The following COL6A6 variants were observed in gnomAD, a reference collection of about 807,000 sequenced individuals.
COL6A6 encodes the protein collagen type VI alpha 6 chain, also known as collagen alpha-6(VI) chain.
Under a neutral mutation model 208.6 loss-of-function variants are expected in COL6A6, and 183 were observed. The ratio of observed to expected loss-of-function variants is 0.88; its 90% CI spans 0.78 to 0.99. The LOEUF is 0.99. COL6A6 is among the 50% of genes least tolerant of loss of function. The probability of loss-of-function intolerance (pLI) is 0.00; values close to 1 mark genes in which losing one functional copy is unlikely to be tolerated. For synonymous variants in COL6A6, 973 were observed against 1,011.8 expected, an observed-to-expected ratio of 0.96 and a Z score of 0.73; for missense variants, 2,816 against 2,815.2, an observed-to-expected ratio of 1.00 and a Z score of -0.01.
chr3:130,654,180 CA>C (rs1283905697), intron 33 of COL6A6, among the ~76,000 whole-genome samples: 1 of 152,200 alleles, frequency 6.6e-6, no homozygotes, highest in East Asian at 1.9e-4. Flanking sequence ...TTGGGGAGAG[CA>C]AAACTTAAAT....
At position 130,593,185 on chromosome 3, in the gene COL6A6, T is replaced by C. The variant is rs2063762932; in HGVS notation, c.4417-14T>C. 1 of 1,612,814 alleles carries C rather than the reference T, an allele frequency of 6.2e-7. No individual in the cohort carries two copies. Among genetic ancestry groups the C allele is most frequent in the African/African-American group, 1.3e-5 (1 of 74,904 alleles). ...CGAGAATTCTATTAATAGCTTTCCC[T>C]TCTTGTTTTTTAGGGTGATAATGGT... On this transcript the variant is annotated splice_polypyrimidine_tract_variant and intron_variant, in intron 16 of 36. Transcript: ENST00000358511.
rs2063430997 is a variant in COL6A6, at chr3:130,581,850, C to A, written c.3837C>A (p.Asn1279Lys). The stretch of plus-strand genomic sequence containing the variant: ...AAGGACCATCTCTTCTCAATGCAAA[C>A]CTCTTGGATTCTCTATGGGATACAT... The part of the protein sequence containing the change: ...TVKGPSLLNA[N>K]LLDSLWDTFQ... Residue 1279 changes from asparagine (N) to lysine (K), a missense_variant, in exon 9 of 37, where the codon AAC becomes AAA. By Grantham distance (94) the Asn-to-Lys change is moderately conservative. Coordinates refer to ENST00000358511, the MANE Select transcript of COL6A6 (RefSeq NM_001102608.3). 6.2e-7 allele frequency: 1 copy of A among 1,612,874 alleles called. No individual in the cohort carries two copies. Among genetic ancestry groups the A allele is most frequent in the Non-Finnish European group, 8.5e-7 (1 of 1,179,040 alleles).
intron 8 of COL6A6, among the ~76,000 whole-genome samples, chr3:130,576,665 C>A (rs1246321427): frequency 2.0e-5 from 3 of 150,546 alleles, no homozygotes; most frequent in African/African-American, 2.4e-5. Context: ...GTCATGAATG[C>A]AAAAAAAAAT....
At position 130,574,113 on chromosome 3, in the gene COL6A6, C is replaced by T. The variant is rs539153024; in HGVS notation, c.3135C>T (p.Ser1045=). The change falls in exon 8 of 37, where the codon AGC becomes AGT. Residue 1045 remains serine, a synonymous_variant. Transcript: ENST00000358511. ...TGCGAATAGGAGCGGCCCAGTTTAG[C>T]GATACCTATCACCCGGAGTTTCCAC... ...NRVRIGAAQF[S]DTYHPEFPLG... is the part of the protein sequence containing the mutation. 86 of 1,613,900 alleles carry T rather than the reference C, an allele frequency of 5.3e-5. 1 individual carries two copies. Among genetic ancestry groups the T allele is most frequent in the African/African-American group, 4.7e-4 (35 of 75,000 alleles).
At chr3:130,599,637 G>C in intron 19 of COL6A6, 120 bp from the exon 20 acceptor site, 1 of 915,324 alleles carries the variant, frequency 1.1e-6, no homozygotes, top group South Asian at 1.5e-5. Flanking sequence ...CCAAAGGAAA[G>C]GTAACTCTCT....
rs752775914 is a variant in COL6A6 at position 130,649,075 on chromosome 3, C to T, written c.5246C>T (p.Pro1749Leu). ...RDRSPGRHGKPECPVHPTELV... is the reference protein window; with the variant it reads ...RDRSPGRHGKLECPVHPTELV... Reference sequence around the variant, plus strand: ...AAGGGATATGGTCTTTTAGGAAAACCGGAATGCCCAGTGCACCCAACCGAG... The same window carrying T: ...AAGGGATATGGTCTTTTAGGAAAACTGGAATGCCCAGTGCACCCAACCGAG... Residue 1749 changes from proline (P) to leucine (L), a missense_variant, in exon 33 of 37, where the codon CCG becomes CTG. Pro to Leu is a moderately conservative substitution (Grantham distance 98). Transcript: ENST00000358511. 12 of 1,554,140 alleles carry T rather than the reference C, an allele frequency of 7.7e-6. No homozygotes were observed. Among genetic ancestry groups the T allele is most frequent in the Middle Eastern group, 1.7e-4 (1 of 5,974 alleles).
intron 8 of COL6A6, among the ~76,000 whole-genome samples, chr3:130,578,046 T>A (rs2063335868): frequency 6.6e-6 from 1 of 152,196 alleles, no homozygotes; most frequent in Non-Finnish European, 1.5e-5. Flanking sequence ...ATTTTCTTGG[T>A]TTTTCTTTGA....
chr3:130,568,274 C>G lies in COL6A6; in HGVS notation c.2071C>G (p.Gln691Glu). 1 of 1,613,956 alleles carries G rather than the reference C, an allele frequency of 6.2e-7. No homozygotes were observed. The highest frequency in any genetic ancestry group is 8.5e-7 in the Non-Finnish European group (1 of 1,179,888). Residue 691 changes from glutamine (Q) to glutamate (E), a missense_variant, in exon 6 of 37, where the codon CAA (glutamine) becomes GAA (glutamate). Physicochemically the swap from Gln to Glu is conservative, Grantham distance 29 (BLOSUM62 2). Transcript: ENST00000358511. ...AAGCGACATTTCAAATGCAATAGAC[C>G]AAATGGCTCACATTGGACAAACCAC... ...SQSDISNAIDQMAHIGQTTLT... is the reference protein window; with the variant it reads ...SQSDISNAIDEMAHIGQTTLT...
At chr3:130,579,344 A>T (rs1178145706) in intron 8 of COL6A6, among the ~76,000 whole-genome samples, 1 of 152,070 alleles carries the variant, frequency 6.6e-6, no homozygotes, top group Non-Finnish European at 1.5e-5. Context: ...GAAATATATA[A>T]CCCCCTTATT....
chr3:130,676,186 C>T lies in COL6A6; in HGVS notation c.*789C>T, dbSNP rs1392498021. Reference sequence around the variant, plus strand: ...TTAGACAAGGAGAGTCAAGAAACTACTTGTCATAGATGAAGCTCTGAGTTA... The same window carrying T: ...TTAGACAAGGAGAGTCAAGAAACTATTTGTCATAGATGAAGCTCTGAGTTA... On this transcript the variant is annotated 3_prime_UTR_variant, in exon 37 of 37. Transcript: ENST00000358511. 2 of 152,328 alleles carry T rather than the reference C, an allele frequency of 1.3e-5. No homozygotes were observed. The highest frequency in any genetic ancestry group is 3.9e-4 in the East Asian group (2 of 5,186). 9.4% of individuals were successfully genotyped at this position (152,328 alleles called of 1,614,324 possible).
intron 18 of COL6A6, among the ~76,000 whole-genome samples, chr3:130,596,596 AT>A (rs1325112815): frequency 6.6e-6 from 1 of 152,208 alleles, no homozygotes; most frequent in Non-Finnish European, 1.5e-5. Context: ...AATGATGCTA[AT>A]TTTTGAAACC....
chr3:130,544,217 A>G (rs59723402), intron 1 of COL6A6, among the ~76,000 whole-genome samples: 7,189 of 152,212 alleles, frequency 0.047, 551 homozygotes, highest in African/African-American at 0.16. Context: ...TCAACTTTTT[A>G]AAAAATAGAT....
At position 130,621,804 on chromosome 3, in the gene COL6A6, C is replaced by G; in HGVS notation, c.4816-17C>G. 1.2e-6 allele frequency: 2 copies of G among 1,611,862 alleles called. No homozygotes were observed. The highest frequency in any genetic ancestry group is 1.7e-6 in the Non-Finnish European group (2 of 1,178,540). Reference sequence around the variant, plus strand: ...TTTATGTTTTGCTATATTTGCAAACCCCTTGTTTTGTTTCAGGGGCCTCCA... The same window carrying G: ...TTTATGTTTTGCTATATTTGCAAACGCCTTGTTTTGTTTCAGGGGCCTCCA... On this transcript the variant is annotated splice_polypyrimidine_tract_variant and intron_variant, in intron 23 of 36. Coordinates refer to ENST00000358511, the MANE Select transcript of COL6A6 (RefSeq NM_001102608.3).
At position 130,565,299 on chromosome 3, in the gene COL6A6, C is replaced by T. The variant is rs201280240; in HGVS notation, c.967C>T (p.Arg323Trp). The T allele has an allele frequency of 5.4e-5, 87 of 1,613,978 alleles. No individual in the cohort carries two copies. Among genetic ancestry groups the T allele is most frequent in the East Asian group, 8.9e-5 (4 of 44,876 alleles). Residue 323 changes from arginine to tryptophan, a missense_variant, in exon 4 of 37, where the codon CGG becomes TGG. By Grantham distance (101) the Arg-to-Trp change is moderately radical (BLOSUM62 -3). Transcript: ENST00000358511. ...KKLRKEVFSARNGSRKNQGVP... is the reference protein window; with the variant it reads ...KKLRKEVFSAWNGSRKNQGVP... ...GCTCAGGAAGGAAGTTTTTAGTGCACGGAATGGCAGTCGGAAGAATCAGGG... is the reference window on the plus strand; with the variant it reads ...GCTCAGGAAGGAAGTTTTTAGTGCATGGAATGGCAGTCGGAAGAATCAGGG...
intron 1 of COL6A6, among the ~76,000 whole-genome samples, chr3:130,525,489 A>G (rs2061941109): frequency 1.3e-5 from 2 of 152,242 alleles, no homozygotes; most frequent in South Asian, 4.1e-4. Flanking sequence ...TTGCTGTTTG[A>G]CTTTTTATAG....
chr3:130,586,746 T>A, intron 11 of COL6A6, 86 bp downstream of exon 11: 1 of 1,334,608 alleles, frequency 7.5e-7, no homozygotes, highest in Non-Finnish European at 1.0e-6. Context: ...AATTTGAACT[T>A]ACTGTGTTTA....
At chr3:130,634,153 C>T in intron 26 of COL6A6, among the ~76,000 whole-genome samples, 1 of 80,642 alleles carries the variant, frequency 1.2e-5, no homozygotes, top group Admixed American at 1.8e-4. Flanking sequence ...TTGTCAAATC[C>T]GTGAAATAGC....
chr3:130,593,371 C>A, intron 17 of COL6A6, 119 bp downstream of exon 17: 1 of 753,498 alleles, frequency 1.3e-6, no homozygotes. Flanking sequence ...CATAAAACCT[C>A]AATCACATAC....
intron 32 of COL6A6, among the ~76,000 whole-genome samples, chr3:130,647,144 C>T (rs978296872): frequency 1.1e-4 from 16 of 152,144 alleles, no homozygotes; most frequent in African/African-American, 3.9e-4. Flanking sequence ...CCGCACATGG[C>T]AATCCTTCCC....
Sources: gnomAD v4.1 joint callset for allele counts (sites outside exome capture counted in the v4.1 genomes callset) on GRCh38, gnomAD v4.1.1 for gene constraint, MANE v1.5 for transcripts, NCBI Gene and HGNC (gene_info 2026-07-23, HGNC 2026-07-21) for gene names.